TENM3: variants seen among roughly 807,000 people sequenced by gnomAD.
The protein encoded by TENM3 is teneurin-3.
In TENM3, 63 loss-of-function variants were observed where a neutral mutation model predicts 255.1. The ratio of observed to expected loss-of-function variants is 0.25; its 90% CI spans 0.20 to 0.30. TENM3 has a LOEUF of 0.30. Among genes scored for constraint, TENM3 ranks in the 10% least tolerant of loss-of-function variants. The pLI is 1.00. For missense variants in TENM3, 2,929 were observed against 3,461.1 expected (o/e 0.85, Z 3.86); for synonymous variants, 1,306 against 1,322.3 (o/e 0.99, Z 0.27).
chr4:182,660,918 G>T (rs1228031898), intron 6 of TENM3, among the ~76,000 whole-genome samples: 4 of 152,190 alleles, frequency 2.6e-5, no homozygotes, highest in African/African-American at 9.6e-5. Flanking sequence ...GAAAAGCGGA[G>T]TGTACCCTGA....
At chr4:182,524,991 C>T (rs2151806270) in intron 3 of TENM3, among the ~76,000 whole-genome samples, 1 of 152,226 alleles carries the variant, frequency 6.6e-6, no homozygotes, top group Middle Eastern at 3.4e-3. Flanking sequence ...GATCACACCA[C>T]TGCACTCCAG....
At chr4:182,267,092 A>G (rs1306841023) in intron 1 of TENM3, among the ~76,000 whole-genome samples, 1 of 152,194 alleles carries the variant, frequency 6.6e-6, no homozygotes, top group Non-Finnish European at 1.5e-5. Context: ...TAACTATCAA[A>G]CAAAAGTTAA....
the TENM3 span, among the ~76,000 whole-genome samples, chr4:181,868,719 G>T: frequency 1.3e-5 from 2 of 152,098 alleles, no homozygotes; most frequent in African/African-American, 4.8e-5. Context: ...ATTTTGCATG[G>T]TTTCTCAAAG....
At chr4:181,852,658 C>G in the TENM3 span, among the ~76,000 whole-genome samples, 1 of 152,154 alleles carries the variant, frequency 6.6e-6, no homozygotes, top group Non-Finnish European at 1.5e-5. Flanking sequence ...GAGGTAATGT[C>G]TACATTAGAA....
intron 3 of TENM3, among the ~76,000 whole-genome samples, chr4:182,500,035 G>A (rs1487546341): frequency 1.3e-5 from 2 of 152,122 alleles, no homozygotes; most frequent in African/African-American, 4.8e-5. Flanking sequence ...ACACTTATAC[G>A]ACTTCTGGTT....
the TENM3 span, among the ~76,000 whole-genome samples, chr4:181,812,342 C>T: frequency 1.3e-5 from 2 of 152,152 alleles, no homozygotes; most frequent in Admixed American, 1.3e-4. Flanking sequence ...AGAAAACTAA[C>T]ATGAATGAAA....
At chr4:181,478,658 C>A in the TENM3 span, among the ~76,000 whole-genome samples, 1 of 152,170 alleles carries the variant, frequency 6.6e-6, no homozygotes, top group Non-Finnish European at 1.5e-5. Context: ...AACACTTTCT[C>A]TTCAGCATAC....
chr4:182,133,632 T>G, the TENM3 span, among the ~76,000 whole-genome samples: 152,118 of 152,322 alleles, frequency 1, 75,957 homozygotes, highest in East Asian at 1. Flanking sequence ...TTATAACATT[T>G]ATTTTACGAC....
chr4:182,596,729 A>G (rs999120453), intron 3 of TENM3, among the ~76,000 whole-genome samples: 1 of 152,214 alleles, frequency 6.6e-6, no homozygotes, highest in Admixed American at 6.5e-5. Context: ...ACCAAATATA[A>G]CATTCACCTT....
At chr4:182,667,855 G>A (rs990614474) in intron 6 of TENM3, among the ~76,000 whole-genome samples, 11 of 151,910 alleles carry the variant, frequency 7.2e-5, no homozygotes, top group African/African-American at 2.7e-4. Flanking sequence ...TGTAAATGAT[G>A]AGTTAATGGG....
intron 3 of TENM3, among the ~76,000 whole-genome samples, chr4:182,419,391 G>C (rs1770633214): frequency 6.6e-6 from 1 of 152,156 alleles, no homozygotes. Flanking sequence ...AGAGGATGTG[G>C]AGAAATAGGA....
At chr4:181,485,489 T>A in the TENM3 span, among the ~76,000 whole-genome samples, 214 of 151,576 alleles carry the variant, frequency 1.4e-3, 1 homozygote, top group East Asian at 6.0e-3. Flanking sequence ...AGATTTTTTT[T>A]AAAAAAAAGA....
At chr4:181,640,758 A>G in the TENM3 span, among the ~76,000 whole-genome samples, 1 of 152,210 alleles carries the variant, frequency 6.6e-6, no homozygotes, top group Non-Finnish European at 1.5e-5. Flanking sequence ...GCGTTGCAGC[A>G]GCAGGAGAGC....
chr4:181,640,136 A>G, the TENM3 span, among the ~76,000 whole-genome samples: 1 of 152,146 alleles, frequency 6.6e-6, no homozygotes, highest in Non-Finnish European at 1.5e-5. Context: ...AAGGGGCTTT[A>G]GTGAGTTCTG....
chr4:181,641,320 G>T, the TENM3 span, among the ~76,000 whole-genome samples: 1 of 151,522 alleles, frequency 6.6e-6, no homozygotes, highest in African/African-American at 2.4e-5. Context: ...TTCTCCTAAT[G>T]CTGTCCCTGC....
the TENM3 span, among the ~76,000 whole-genome samples, chr4:181,733,857 A>G: frequency 1.3e-5 from 2 of 152,216 alleles, no homozygotes; most frequent in African/African-American, 2.4e-5. Flanking sequence ...AGGAATTCTG[A>G]CATTATGCGT....
Position 182,753,434 on chromosome 4 carries a change from C to T in TENM3, c.3863-16C>T. ...ATTTTTGAAAAATTAGTAATACTTG[C>T]TTCTCTCAAATACAGGAATGGCAGT... is the stretch of plus-strand genomic sequence containing the variant. On this transcript the variant is annotated splice_polypyrimidine_tract_variant and intron_variant, in intron 20 of 27. Coordinates refer to ENST00000511685, the MANE Select transcript of TENM3 (RefSeq NM_001080477.4). 1 of 1,605,064 alleles carries T rather than the reference C, an allele frequency of 6.2e-7. No homozygotes were observed. Among genetic ancestry groups the T allele is most frequent in the Non-Finnish European group, 8.5e-7 (1 of 1,174,120 alleles).
intron 3 of TENM3, among the ~76,000 whole-genome samples, chr4:182,491,424 T>C (rs895758823): frequency 2.0e-5 from 3 of 150,918 alleles, no homozygotes; most frequent in Non-Finnish European, 1.5e-5. Context: ...AGAAAAGTTA[T>C]TACAATTTAC....
chr4:182,773,348 G>T, intron 22 of TENM3, 124 bp from the exon 23 acceptor site: 1 of 833,094 alleles, frequency 1.2e-6, no homozygotes, highest in Non-Finnish European at 1.8e-6. Context: ...ACTCTGCATC[G>T]CTCATCCACG....
Sources: gnomAD v4.1 joint callset for allele counts (sites outside exome capture counted in the v4.1 genomes callset) on GRCh38, gnomAD v4.1.1 for gene constraint, MANE v1.5 for transcripts, NCBI Gene and HGNC (gene_info 2026-07-23, HGNC 2026-07-21) for gene names.